DNAJC15: variants seen among roughly 807,000 people sequenced by gnomAD.
DNAJC15 encodes the protein DnaJ heat shock protein family (Hsp40) member C15.
A neutral mutation model predicts 22.4 loss-of-function variants in DNAJC15; 27 were observed. The ratio of observed to expected loss-of-function variants is 1.20; its 90% CI spans 0.89 to 1.66. DNAJC15 has a LOEUF of 1.66. DNAJC15 is among the 40% of genes most tolerant of loss of function. The probability of loss-of-function intolerance (pLI) is 0.00; values close to 1 mark genes in which losing one functional copy is unlikely to be tolerated. For missense variants in DNAJC15, 208 were observed against 187.1 expected (o/e 1.11, Z -0.65); for synonymous variants, 79 against 63.2 (o/e 1.25, Z -1.19).
intron 1 of DNAJC15, among the ~76,000 whole-genome samples, chr13:43,045,805 T>G (rs545636650): frequency 1.3e-5 from 2 of 152,156 alleles, no homozygotes; most frequent in African/African-American, 4.8e-5. Context: ...TACAAACACA[T>G]ACCTACTTCT....
chr13:43,068,820 T>C (rs944706084), intron 2 of DNAJC15, 110 bp from the exon 3 acceptor site: 17 of 862,394 alleles, frequency 2.0e-5, no homozygotes, highest in Admixed American at 3.7e-5. Context: ...GAAATACTTA[T>C]TGCAATAACA....
intron 1 of DNAJC15, among the ~76,000 whole-genome samples, chr13:43,044,903 A>G (rs2040469289): frequency 6.6e-6 from 1 of 152,046 alleles, no homozygotes; most frequent in Admixed American, 6.6e-5. Context: ...ACTCATCCCC[A>G]TGCCTCTGCT....
chr13:43,054,241 G>C (rs1049198999), intron 1 of DNAJC15, among the ~76,000 whole-genome samples: 6 of 152,082 alleles, frequency 3.9e-5, no homozygotes, highest in African/African-American at 1.4e-4. Flanking sequence ...CTGCATCCCT[G>C]GTATGAAACC....
At chr13:43,048,035 A>G (rs1208840778) in intron 1 of DNAJC15, among the ~76,000 whole-genome samples, 1 of 152,138 alleles carries the variant, frequency 6.6e-6, no homozygotes, top group Non-Finnish European at 1.5e-5. Flanking sequence ...TTCACTGACA[A>G]TTTGCCATCT....
At chr13:43,070,494 G>A (rs985890742) in intron 3 of DNAJC15, among the ~76,000 whole-genome samples, 3 of 151,998 alleles carry the variant, frequency 2.0e-5, no homozygotes, top group African/African-American at 7.2e-5. Flanking sequence ...ATACCTAAAA[G>A]TGTCGAGTGC....
intron 1 of DNAJC15, among the ~76,000 whole-genome samples, chr13:43,057,144 T>C (rs898427533): frequency 1.3e-5 from 2 of 152,230 alleles, no homozygotes; most frequent in African/African-American, 2.4e-5. Context: ...TATTTGGATG[T>C]CTAGGTCTCT....
At chr13:43,080,057 C>CT (rs1351205822) in intron 4 of DNAJC15, among the ~76,000 whole-genome samples, 2 of 151,960 alleles carry the variant, frequency 1.3e-5, no homozygotes, top group Non-Finnish European at 1.5e-5. Flanking sequence ...ATGTGAATTT[C>CT]TTTTTTTGGA....
chr13:43,087,305 C>T (rs1445723569), intron 5 of DNAJC15, among the ~76,000 whole-genome samples: 3 of 152,164 alleles, frequency 2.0e-5, no homozygotes, highest in Admixed American at 2.0e-4. Context: ...CTTCCTAAAA[C>T]CCATCCATAT....
intron 5 of DNAJC15, among the ~76,000 whole-genome samples, chr13:43,105,612 A>G (rs187595508): frequency 3.2e-4 from 48 of 152,260 alleles, no homozygotes; most frequent in African/African-American, 8.7e-4. Context: ...AAGACTCTCT[A>G]TCATCTGTGC....
intron 5 of DNAJC15, among the ~76,000 whole-genome samples, chr13:43,092,056 T>G (rs1473672786): frequency 6.6e-6 from 1 of 152,210 alleles, no homozygotes; most frequent in Admixed American, 6.5e-5. Flanking sequence ...TACTATTTCT[T>G]GTCTGCCTAC....
At chr13:43,091,848 ATC>A (rs2040716880) in intron 5 of DNAJC15, among the ~76,000 whole-genome samples, 1 of 152,090 alleles carries the variant, frequency 6.6e-6, no homozygotes, top group Non-Finnish European at 1.5e-5. Flanking sequence ...TTTTGTAGTT[ATC>A]TCTATAGTAT....
chr13:43,097,988 AG>A (rs2040749195), intron 5 of DNAJC15, among the ~76,000 whole-genome samples: 1 of 152,180 alleles, frequency 6.6e-6, no homozygotes, highest in South Asian at 2.1e-4. Context: ...CACCCAACAA[AG>A]CTTATGAATC....
At chr13:43,051,665 A>ATG (rs2040504621) in intron 1 of DNAJC15, among the ~76,000 whole-genome samples, 2 of 140,034 alleles carry the variant, frequency 1.4e-5, no homozygotes, top group African/African-American at 5.5e-5. Context: ...GTGTGTGTAT[A>ATG]TATATCACAT....
intron 1 of DNAJC15, among the ~76,000 whole-genome samples, chr13:43,047,056 A>G (rs147637341): frequency 0.029 from 4,459 of 152,304 alleles, 103 homozygotes; most frequent in South Asian, 0.055. Flanking sequence ...TGTGAGGCCA[A>G]GAACCCCAGG....
At chr13:43,075,849 A>G (rs901848316) in intron 3 of DNAJC15, among the ~76,000 whole-genome samples, 3 of 152,156 alleles carry the variant, frequency 2.0e-5, no homozygotes, top group African/African-American at 7.2e-5. Flanking sequence ...TCTTTAGTAG[A>G]GACGGGGTTT....
intron 1 of DNAJC15, among the ~76,000 whole-genome samples, chr13:43,046,389 T>A (rs1235482392): frequency 6.6e-6 from 1 of 152,164 alleles, no homozygotes. Flanking sequence ...AAGAGACATC[T>A]CGGTGGTGGT....
intron 1 of DNAJC15, among the ~76,000 whole-genome samples, chr13:43,054,264 G>C (rs2040519212): frequency 6.6e-6 from 1 of 152,150 alleles, no homozygotes; most frequent in Non-Finnish European, 1.5e-5. Flanking sequence ...CTTGATCATA[G>C]TGGATTATTG....
At chr13:43,046,665 C>A (rs186290516) in intron 1 of DNAJC15, among the ~76,000 whole-genome samples, 1 of 152,232 alleles carries the variant, frequency 6.6e-6, no homozygotes, top group East Asian at 1.9e-4. Flanking sequence ...GTGGGCAACC[C>A]CCTTTGGGTC....
At chr13:43,030,013 T>C (rs2040397516) in intron 1 of DNAJC15, among the ~76,000 whole-genome samples, 1 of 152,096 alleles carries the variant, frequency 6.6e-6, no homozygotes, top group Non-Finnish European at 1.5e-5. Flanking sequence ...ATAAGATAAA[T>C]GAGACTATGC....
Sources: allele counts gnomAD v4.1 joint callset (sites outside exome capture counted in the v4.1 genomes callset), GRCh38; gene constraint gnomAD v4.1.1; transcripts MANE v1.5; gene names NCBI Gene and HGNC (gene_info 2026-07-23, HGNC 2026-07-21).